Variants in TTC27 observed in about 807,000 individuals in gnomAD.
The protein encoded by TTC27 is tetratricopeptide repeat protein 27.
Under a neutral mutation model 115.9 loss-of-function variants are expected in TTC27, and 79 were observed. The observed-to-expected ratio is 0.68, with a 90% CI of 0.57 to 0.82. The LOEUF (loss-of-function observed/expected upper bound fraction) is 0.82, where lower values mean the gene tolerates loss of function less well. Ranked by LOEUF, TTC27 falls within the 40% of genes least tolerant of loss-of-function variation. The pLI is 0.00. For synonymous variants in TTC27, 401 were observed against 356.0 expected (o/e 1.13, Z -1.42); for missense variants, 1,054 against 993.1 (o/e 1.06, Z -0.82).
chr2:32,637,272 G>A (rs1326973551), intron 3 of TTC27, among the ~76,000 whole-genome samples: 1 of 152,008 alleles, frequency 6.6e-6, no homozygotes, highest in Non-Finnish European at 1.5e-5. Flanking sequence ...GAAATTTGTG[G>A]TAGAACAGGC....
chr2:32,698,339 C>G (rs1667063798), intron 9 of TTC27, among the ~76,000 whole-genome samples: 1 of 151,718 alleles, frequency 6.6e-6, no homozygotes, highest in Admixed American at 6.6e-5. Flanking sequence ...GCTATGCTGC[C>G]CAGACTGATT....
intron 5 of TTC27, among the ~76,000 whole-genome samples, chr2:32,661,219 T>C (rs1410761868): frequency 6.6e-6 from 1 of 152,186 alleles, no homozygotes; most frequent in Non-Finnish European, 1.5e-5. Context: ...TCCAGCTTTG[T>C]TCTTTTTGCT....
At chr2:32,741,810 A>G (rs1031756824) in intron 12 of TTC27, among the ~76,000 whole-genome samples, 2 of 152,168 alleles carry the variant, frequency 1.3e-5, no homozygotes, top group African/African-American at 4.8e-5. Context: ...ATCTCCATGT[A>G]GGACACTCCT....
chr2:32,699,992 ACT>A (rs1428107890), intron 9 of TTC27, among the ~76,000 whole-genome samples: 1 of 152,024 alleles, frequency 6.6e-6, no homozygotes, highest in Non-Finnish European at 1.5e-5. Context: ...GTGAGTTTTA[ACT>A]CTGACAAGCC....
chr2:32,710,631 G>A (rs1667542516), intron 10 of TTC27, among the ~76,000 whole-genome samples: 1 of 151,494 alleles, frequency 6.6e-6, no homozygotes, highest in Non-Finnish European at 1.5e-5. Flanking sequence ...GTGTCACCAT[G>A]TTGGCCAGGC....
chr2:32,729,735 C>G (rs1483306976), intron 10 of TTC27, among the ~76,000 whole-genome samples: 2 of 152,076 alleles, frequency 1.3e-5, no homozygotes, highest in East Asian at 3.9e-4. Context: ...TTATTCACAT[C>G]TCTTCAGTCA....
At chr2:32,770,505 G>A (rs180917689) in intron 13 of TTC27, among the ~76,000 whole-genome samples, 28 of 152,330 alleles carry the variant, frequency 1.8e-4, no homozygotes, top group African/African-American at 5.8e-4. Flanking sequence ...CTGAATACCA[G>A]TCTGTCAGGT....
chr2:32,715,853 G>C (rs937152039), intron 10 of TTC27, among the ~76,000 whole-genome samples: 4 of 151,412 alleles, frequency 2.6e-5, no homozygotes, highest in Non-Finnish European at 5.9e-5. Context: ...TGAGAAAGAG[G>C]TCCTTTATGT....
intron 19 of TTC27, among the ~76,000 whole-genome samples, chr2:32,819,133 A>G (rs576696179): frequency 2.0e-5 from 3 of 152,210 alleles, no homozygotes; most frequent in Non-Finnish European, 4.4e-5. Context: ...TCTTCAGGGT[A>G]TACTGTGGCT....
intron 16 of TTC27, among the ~76,000 whole-genome samples, chr2:32,801,201 T>C (rs982194471): frequency 5.3e-5 from 8 of 152,158 alleles, no homozygotes; most frequent in Non-Finnish European, 1.5e-5. Context: ...GCAATGTTAG[T>C]TTTCTAGGGC....
chr2:32,642,647 GGTT>G (rs1447581201), intron 4 of TTC27, among the ~76,000 whole-genome samples: 3 of 151,928 alleles, frequency 2.0e-5, no homozygotes, highest in Non-Finnish European at 4.4e-5. Context: ...TTGTACTAGA[GGTT>G]GTTTTTTGTT....
intron 10 of TTC27, among the ~76,000 whole-genome samples, chr2:32,713,879 A>C (rs536152015): frequency 9.9e-5 from 15 of 152,158 alleles, no homozygotes; most frequent in Admixed American, 4.6e-4. Context: ...GGTAATAAGC[A>C]TAGTACCTGA....
chr2:32,775,032 C>T (rs969527401), intron 13 of TTC27, among the ~76,000 whole-genome samples: 4 of 152,282 alleles, frequency 2.6e-5, no homozygotes. Flanking sequence ...TGGTTACAAA[C>T]CATTCAGTAG....
chr2:32,669,024 A>T (rs553174910), intron 7 of TTC27, among the ~76,000 whole-genome samples: 4 of 152,058 alleles, frequency 2.6e-5, no homozygotes, highest in Admixed American at 2.6e-4. Flanking sequence ...GCTTGCAGTG[A>T]GCTGAGATCG....
chr2:32,639,428 G>A (rs1260129770), intron 3 of TTC27, among the ~76,000 whole-genome samples: 1 of 151,942 alleles, frequency 6.6e-6, no homozygotes, highest in Non-Finnish European at 1.5e-5. Context: ...GCTCACTCTG[G>A]TGTGTGGTCA....
In TTC27 at chr2:32,777,907, G is replaced by A; in HGVS notation, c.1706G>A (p.Cys569Tyr). 1.2e-6 allele frequency: 2 copies of A among 1,614,078 alleles called. No homozygotes were observed. The highest frequency in any genetic ancestry group is 1.1e-5 in the South Asian group (1 of 91,078). Residue 569 changes from cysteine to tyrosine, a missense_variant, in exon 14 of 20, where the codon TGT becomes TAT. Cys to Tyr is a radical substitution (Grantham distance 194). Coordinates refer to ENST00000317907, the MANE Select transcript of TTC27 (RefSeq NM_017735.5). ...MQLGVWFSLG[C>Y]AYLALEDYQG... ...CTCGGGGTGTGGTTTTCTCTCGGTT[G>A]TGCCTATTTGGCCTTGGAAGACTAT...
intron 5 of TTC27, among the ~76,000 whole-genome samples, chr2:32,661,226 T>G (rs952674640): frequency 6.6e-6 from 1 of 152,180 alleles, no homozygotes; most frequent in African/African-American, 2.4e-5. Flanking sequence ...TTGTTCTTTT[T>G]GCTTAGGATT....
intron 16 of TTC27, among the ~76,000 whole-genome samples, chr2:32,810,782 A>T (rs1239159513): frequency 6.6e-6 from 1 of 152,194 alleles, no homozygotes; most frequent in African/African-American, 2.4e-5. Context: ...GGCCCTTTGA[A>T]TGAAAGAAGA....
intron 9 of TTC27, among the ~76,000 whole-genome samples, chr2:32,693,164 GT>G (rs1218124041): frequency 2.0e-5 from 3 of 152,240 alleles, no homozygotes; most frequent in Admixed American, 2.0e-4. Context: ...TGTTTCTGTT[GT>G]TTTTTCGTGA....
Sources: allele counts gnomAD v4.1 joint callset (sites outside exome capture counted in the v4.1 genomes callset), GRCh38; gene constraint gnomAD v4.1.1; transcripts MANE v1.5; gene names NCBI Gene and HGNC (gene_info 2026-07-23, HGNC 2026-07-21).